Variants in ESRRB observed in about 807,000 individuals in gnomAD.
ESRRB encodes the protein estrogen related receptor beta.
Under a neutral mutation model 46.0 loss-of-function variants are expected in ESRRB, and 16 were observed. That is an observed-to-expected ratio of 0.35 (90% CI 0.24 to 0.53). The LOEUF is 0.53. Among genes scored for constraint, ESRRB ranks in the 20% least tolerant of loss-of-function variants. The probability of loss-of-function intolerance (pLI) is 0.93; values close to 1 mark genes in which losing one functional copy is unlikely to be tolerated. For synonymous variants in ESRRB, 246 were observed against 259.6 expected, an observed-to-expected ratio of 0.95 and a Z score of 0.50; for missense variants, 488 against 607.4, an observed-to-expected ratio of 0.80 and a Z score of 2.07.
chr14:76,358,403 GAAA>G (rs1884422597), intron 1 of ESRRB, among the ~76,000 whole-genome samples: 3 of 122,054 alleles, frequency 2.5e-5, no homozygotes, highest in African/African-American at 6.3e-5. Flanking sequence ...AAGAAAGAAA[GAAA>G]GAAAGAAAAG....
chr14:76,475,196 G>C (rs1889530923), intron 3 of ESRRB, among the ~76,000 whole-genome samples: 1 of 151,948 alleles, frequency 6.6e-6, no homozygotes, highest in South Asian at 2.1e-4. Context: ...CTGGCCTATA[G>C]AGTGAGACCC....
upstream of ESRRB, among the ~76,000 whole-genome samples, chr14:76,368,825 G>T (rs1884557171): frequency 6.6e-6 from 1 of 152,196 alleles, no homozygotes; most frequent in Non-Finnish European, 1.5e-5. Context: ...GTTCACCAAT[G>T]GGACTGTTTT....
At chr14:76,389,106 A>G (rs1443351762) in intron 1 of ESRRB, among the ~76,000 whole-genome samples, 2 of 152,114 alleles carry the variant, frequency 1.3e-5, no homozygotes, top group East Asian at 3.9e-4. Context: ...GTCCCCTCCT[A>G]CATCTGGAAA....
At chr14:76,421,446 G>A (rs1258876957) in intron 1 of ESRRB, among the ~76,000 whole-genome samples, 2 of 152,190 alleles carry the variant, frequency 1.3e-5, no homozygotes, top group Admixed American at 6.5e-5. Flanking sequence ...TTTGCACATA[G>A]CAAGTGCTTA....
intron 1 of ESRRB, among the ~76,000 whole-genome samples, chr14:76,415,096 A>T (rs1470462577): frequency 6.6e-6 from 1 of 152,128 alleles, no homozygotes; most frequent in East Asian, 1.9e-4. Context: ...GCAAGTCAAG[A>T]GCCCTGCCCT....
chr14:76,388,116 C>T (rs1185086105), intron 1 of ESRRB, among the ~76,000 whole-genome samples: 1 of 151,818 alleles, frequency 6.6e-6, no homozygotes, highest in Non-Finnish European at 1.5e-5. Context: ...TGTGCCTGCA[C>T]TCCTCACCCC....
At chr14:76,394,721 G>A (rs1326893673) in intron 1 of ESRRB, among the ~76,000 whole-genome samples, 1 of 152,140 alleles carries the variant, frequency 6.6e-6, no homozygotes, top group African/African-American at 2.4e-5. Flanking sequence ...TGCGTTGAGG[G>A]CCTCTTTGAC....
chr14:76,405,795 A>G (rs1440011346), intron 1 of ESRRB, among the ~76,000 whole-genome samples: 1 of 151,546 alleles, frequency 6.6e-6, no homozygotes, highest in Admixed American at 6.6e-5. Context: ...AGTCTTAGCT[A>G]CTAGGAAGGC....
At chr14:76,388,940 G>T (rs187533082) in intron 1 of ESRRB, among the ~76,000 whole-genome samples, 1 of 152,104 alleles carries the variant, frequency 6.6e-6, no homozygotes, top group Non-Finnish European at 1.5e-5. Context: ...TGCCCGTCTT[G>T]GATTCCCGCA....
At chr14:76,421,844 G>C (rs1055646295) in intron 1 of ESRRB, among the ~76,000 whole-genome samples, 2 of 152,210 alleles carry the variant, frequency 1.3e-5, no homozygotes, top group Admixed American at 6.5e-5. Flanking sequence ...TACCCAGGGA[G>C]GGAGGGTGTG....
chr14:76,447,243 CTCCTTCCTTCCT>C (rs11272399), intron 2 of ESRRB, among the ~76,000 whole-genome samples: 4,049 of 133,324 alleles, frequency 0.03, 96 homozygotes, highest in Middle Eastern at 0.051. Flanking sequence ...TTTCTAAAGT[CTCCTTCCTTCCT>C]TCCTTCCTTC....
At chr14:76,366,929 A>C (rs114388051), upstream of ESRRB, among the ~76,000 whole-genome samples, 1,083 of 152,332 alleles carry the variant, frequency 7.1e-3, 16 homozygotes, top group African/African-American at 0.025. Flanking sequence ...CACTGTACTC[A>C]CTGTGTGCCC....
chr14:76,388,401 G>C (rs2139814613), intron 1 of ESRRB, among the ~76,000 whole-genome samples: 2 of 152,168 alleles, frequency 1.3e-5, no homozygotes, highest in African/African-American at 4.8e-5. Flanking sequence ...TAGCCAGGAT[G>C]GTTCTGATCT....
intron 1 of ESRRB, among the ~76,000 whole-genome samples, chr14:76,335,018 G>T (rs1884109630): frequency 3.3e-5 from 5 of 152,118 alleles, no homozygotes; most frequent in Admixed American, 3.3e-4. Flanking sequence ...AGCCTTCTGG[G>T]CCGGCCTCAC....
intron 1 of ESRRB, among the ~76,000 whole-genome samples, chr14:76,406,609 A>G (rs995070831): frequency 4.7e-4 from 71 of 152,166 alleles, no homozygotes; most frequent in African/African-American, 1.7e-3. Flanking sequence ...GCCAGGTATG[A>G]TGGCAGGCAC....
rs1888878017 is a variant in ESRRB at position 76,461,899 on chromosome 14, A to T, written c.461-646A>T. On this transcript the variant is annotated intron_variant, in intron 2 of 6. Transcript: ENST00000644823. ...CTGAATGAACTCTGCTCATAAAATG[A>T]CCCCCTCGCATTGAATAGTGTTTAA... Among the ~76,000 whole-genome samples, 3 of 152,062 alleles carry T rather than the reference A, an allele frequency of 2.0e-5. No homozygotes were observed. In the South Asian group the frequency reaches 6.2e-4, roughly 32 times the overall value.
At chr14:76,397,583 C>G (rs1333228233) in intron 1 of ESRRB, among the ~76,000 whole-genome samples, 1 of 152,080 alleles carries the variant, frequency 6.6e-6, no homozygotes, top group African/African-American at 2.4e-5. Context: ...ATTTATTGGA[C>G]AAAATTTGGG....
At chr14:76,330,094 C>G (rs977229893) in intron 1 of ESRRB, among the ~76,000 whole-genome samples, 1 of 152,026 alleles carries the variant, frequency 6.6e-6, no homozygotes, top group Non-Finnish European at 1.5e-5. Context: ...CCCTCCTTGC[C>G]GGCCAGCAGG....
intron 1 of ESRRB, among the ~76,000 whole-genome samples, chr14:76,320,548 A>G (rs2030672207): frequency 6.6e-6 from 1 of 152,210 alleles, no homozygotes; most frequent in Non-Finnish European, 1.5e-5. Context: ...TGGTGGGCCC[A>G]TCTCCCAGCA....
Sources: gnomAD v4.1 joint callset for allele counts (sites outside exome capture counted in the v4.1 genomes callset) on GRCh38, gnomAD v4.1.1 for gene constraint, MANE v1.5 for transcripts, NCBI Gene and HGNC (gene_info 2026-07-23, HGNC 2026-07-21) for gene names.